DLG2: variants seen among roughly 807,000 people sequenced by gnomAD.
DLG2 encodes the protein disks large homolog 2.
Under a neutral mutation model 132.5 loss-of-function variants are expected in DLG2, and 45 were observed. The ratio of observed to expected loss-of-function variants is 0.34; its 90% CI spans 0.27 to 0.44. DLG2 has a LOEUF of 0.44. Among genes scored for constraint, DLG2 ranks in the 20% least tolerant of loss-of-function variants. DLG2 has a pLI of 1.00. For synonymous variants in DLG2, 424 were observed against 419.6 expected, an observed-to-expected ratio of 1.01 and a Z score of -0.13; for missense variants, 1,045 against 1,196.9, an observed-to-expected ratio of 0.87 and a Z score of 1.87.
At chr11:83,667,113 T>C (rs79923451) in intron 18 of DLG2, among the ~76,000 whole-genome samples, 167 of 152,330 alleles carry the variant, frequency 1.1e-3, no homozygotes, top group Admixed American at 1.9e-3. Flanking sequence ...CAATGAAATA[T>C]ATAAAAATAT....
intron 23 of DLG2, among the ~76,000 whole-genome samples, chr11:83,471,962 T>C (rs3815987): frequency 0.69 from 104,827 of 151,996 alleles, 37,169 homozygotes; most frequent in African/African-American, 0.84. Flanking sequence ...CAGTATCTGT[T>C]GATGAAAAGA....
At chr11:83,585,018 A>T (rs1038676049) in intron 19 of DLG2, among the ~76,000 whole-genome samples, 19 of 152,296 alleles carry the variant, frequency 1.2e-4, no homozygotes, top group African/African-American at 4.1e-4. Context: ...CTGTGCTTTA[A>T]ATTTTTCATC....
intron 6 of DLG2, among the ~76,000 whole-genome samples, chr11:84,722,522 A>G (rs1339109672): frequency 1.3e-5 from 2 of 152,176 alleles, no homozygotes; most frequent in Non-Finnish European, 2.9e-5. Context: ...AAGTTAATAG[A>G]AAATAAACCT....
intron 4 of DLG2, among the ~76,000 whole-genome samples, chr11:85,229,429 A>G (rs1429155147): frequency 1.3e-5 from 2 of 152,112 alleles, no homozygotes; most frequent in African/African-American, 4.8e-5. Context: ...GCAAATCAAA[A>G]CCACAATGAG....
chr11:85,472,761 C>A (rs536510975), intron 3 of DLG2, among the ~76,000 whole-genome samples: 6 of 152,216 alleles, frequency 3.9e-5, no homozygotes, highest in Non-Finnish European at 2.9e-5. Context: ...CCACCAGCAC[C>A]AGACAGCCAC....
At chr11:85,450,492 A>G (rs1007581905) in intron 3 of DLG2, among the ~76,000 whole-genome samples, 1 of 151,718 alleles carries the variant, frequency 6.6e-6, no homozygotes, top group Non-Finnish European at 1.5e-5. Context: ...TCTATTTCCA[A>G]CTCATCTTCT....
intron 6 of DLG2, among the ~76,000 whole-genome samples, chr11:84,688,055 G>C (rs1192168599): frequency 1.3e-5 from 2 of 152,132 alleles, no homozygotes; most frequent in Non-Finnish European, 2.9e-5. Flanking sequence ...AGGAAGAGCA[G>C]AAAAACTCAG....
chr11:84,364,893 G>T (rs560438472), intron 7 of DLG2, among the ~76,000 whole-genome samples: 3 of 152,092 alleles, frequency 2.0e-5, no homozygotes, highest in African/African-American at 7.2e-5. Context: ...CTTTTTGATG[G>T]TGCTGCTGGA....
rs372807267 is a variant in DLG2, at chr11:85,205,265, A to C, written c.187-50614T>G. 2.0e-5 allele frequency among the ~76,000 whole-genome samples: 3 copies of C among 151,602 alleles called. No homozygotes were observed. In the East Asian group the frequency reaches 5.8e-4, roughly 29 times the overall value. On this transcript the variant is annotated intron_variant, in intron 4 of 27. Coordinates refer to ENST00000376104, the MANE Select transcript of DLG2 (RefSeq NM_001142699.3). ...GATAGAAATGGAGGTCAGTGTGCTA[A>C]GTGAAATAAACCAGGTACAAAAAGA...
At position 83,896,332 on chromosome 11, in the gene DLG2, G is replaced by C. The variant is rs1453857357; in HGVS notation, c.1497-21844C>G. On this transcript the variant is annotated intron_variant, in intron 15 of 27. Transcript: ENST00000376104. The stretch of plus-strand genomic sequence containing the variant: ...CGATTTAAGCAATTAGCCATGGCAG[G>C]ACATTATAGGGTTTACTGCTGTCCG... 2.0e-5 allele frequency among the ~76,000 whole-genome samples: 3 copies of C among 152,324 alleles called. No homozygotes were observed. In the East Asian group the frequency reaches 5.8e-4, roughly 29 times the overall value.
intron 4 of DLG2, among the ~76,000 whole-genome samples, chr11:85,226,715 A>C (rs1446785431): frequency 6.6e-6 from 1 of 152,160 alleles, no homozygotes; most frequent in Non-Finnish European, 1.5e-5. Flanking sequence ...TGTAAAATGA[A>C]TTCAAATTTA....
At chr11:84,663,185 A>T (rs1351387442) in intron 6 of DLG2, among the ~76,000 whole-genome samples, 2 of 151,994 alleles carry the variant, frequency 1.3e-5, no homozygotes, top group African/African-American at 4.8e-5. Flanking sequence ...ATACAGAAAA[A>T]CATACCAAGA....
chr11:85,407,170 A>G (rs559659961), intron 3 of DLG2, among the ~76,000 whole-genome samples: 3 of 152,030 alleles, frequency 2.0e-5, no homozygotes, highest in African/African-American at 7.2e-5. Flanking sequence ...CAAATCATGT[A>G]TGATGTTTCA....
intron 4 of DLG2, among the ~76,000 whole-genome samples, chr11:85,167,313 G>A (rs1462148402): frequency 1.3e-5 from 2 of 152,078 alleles, no homozygotes; most frequent in South Asian, 2.1e-4. Flanking sequence ...AGAATGCCTA[G>A]TTTACTTAAC....
chr11:85,133,036 T>G (rs2075853273), intron 5 of DLG2: 1 of 347,186 alleles, frequency 2.9e-6, no homozygotes, highest in African/African-American at 2.1e-5. Context: ...AACTTCCCGG[T>G]GGCTTCCTGG....
At chr11:85,209,686 C>T (rs1221078556) in intron 4 of DLG2, among the ~76,000 whole-genome samples, 3 of 150,426 alleles carry the variant, frequency 2.0e-5, no homozygotes, top group Admixed American at 6.6e-5. Flanking sequence ...GTAATCCACC[C>T]GCCTCGGCCT....
intron 3 of DLG2, among the ~76,000 whole-genome samples, chr11:85,506,580 GAC>G (rs2093939565): frequency 6.6e-6 from 1 of 152,228 alleles, no homozygotes; most frequent in Non-Finnish European, 1.5e-5. Flanking sequence ...TGGTCTGAGA[GAC>G]AGTTTGTTAT....
rs2060921839 is a variant in DLG2, at chr11:84,714,605, T to TCTCTCTC, written c.358-179875_358-179874insGAGAGAG. Among the ~76,000 whole-genome samples, 19 of 99,454 alleles carry TCTCTCTC rather than the reference T, an allele frequency of 1.9e-4. 2 individuals carry two copies. The highest frequency in any genetic ancestry group is 8.0e-4 in the African/African-American group (18 of 22,572). 65.2% of individuals were successfully genotyped at this position (99,454 alleles called of 152,430 possible). A position where few individuals can be genotyped will look rare whatever the true frequency, so the allele number is the denominator to read the frequency against. On this transcript the variant is annotated intron_variant, in intron 6 of 27. Coordinates refer to ENST00000376104, the MANE Select transcript of DLG2 (RefSeq NM_001142699.3). ...TCTTTCTCTTTCTCTTTCTTTCTCT[T>TCTCTCTC]TCTCTTTCTCTTTCTCTTTCTCTCT... is the stretch of plus-strand genomic sequence containing the variant.
intron 16 of DLG2, among the ~76,000 whole-genome samples, chr11:83,846,927 A>ATTTTT (rs1555051374): frequency 1.5e-5 from 2 of 130,880 alleles, no homozygotes; most frequent in African/African-American, 6.1e-5. Flanking sequence ...CCTTCTAATC[A>ATTTTT]TTATCTCCCA....
Sources: allele counts gnomAD v4.1 joint callset (sites outside exome capture counted in the v4.1 genomes callset), GRCh38; gene constraint gnomAD v4.1.1; transcripts MANE v1.5; gene names NCBI Gene and HGNC (gene_info 2026-07-23, HGNC 2026-07-21).